Variants in CDK14 observed in about 807,000 individuals in gnomAD.
CDK14 encodes cyclin dependent kinase 14, also known as cyclin-dependent kinase 14.
CDK14 carries 34 observed loss-of-function variants against 60.7 expected under a neutral mutation model. That is an observed-to-expected ratio of 0.56 (90% CI 0.43 to 0.75). CDK14 has a LOEUF of 0.75. Among genes scored for constraint, CDK14 ranks in the 30% least tolerant of loss-of-function variants. CDK14 has a pLI of 0.00. For synonymous variants in CDK14, 197 were observed against 203.7 expected (o/e 0.97, Z 0.28); for missense variants, 482 against 564.1 (o/e 0.85, Z 1.47).
intron 11 of CDK14, among the ~76,000 whole-genome samples, chr7:91,069,932 A>T (rs1798088666): frequency 6.6e-6 from 1 of 152,110 alleles, no homozygotes; most frequent in Non-Finnish European, 1.5e-5. Context: ...GAGTAGCTAG[A>T]ACTGCAGGTA....
chr7:91,117,975 C>A, intron 13 of CDK14, 90 bp from the exon 14 acceptor site: 1 of 696,210 alleles, frequency 1.4e-6, no homozygotes, highest in Non-Finnish European at 2.4e-6. Flanking sequence ...GGCATCCAAA[C>A]TTGCATCTCA....
At chr7:90,758,304 A>C (rs1804166084) in intron 4 of CDK14, among the ~76,000 whole-genome samples, 1 of 151,688 alleles carries the variant, frequency 6.6e-6, no homozygotes, top group Non-Finnish European at 1.5e-5. Context: ...TTTTATGTTT[A>C]GATGGGGGGT....
intron 2 of CDK14, among the ~76,000 whole-genome samples, chr7:90,722,147 T>C (rs1334237454): frequency 1.4e-5 from 2 of 147,236 alleles, no homozygotes; most frequent in African/African-American, 5.0e-5. Context: ...CTTACCCCTC[T>C]TCCCCCTTTT....
chr7:90,815,632 G>A (rs1184847008), intron 5 of CDK14, among the ~76,000 whole-genome samples: 2 of 152,142 alleles, frequency 1.3e-5, no homozygotes, highest in East Asian at 3.8e-4. Flanking sequence ...GTTTATTGTG[G>A]CATTATTCAC....
intron 10 of CDK14, among the ~76,000 whole-genome samples, chr7:91,008,990 C>G (rs2115800456): frequency 6.6e-6 from 1 of 152,160 alleles, no homozygotes; most frequent in South Asian, 2.1e-4. Flanking sequence ...TTTCTTTGAA[C>G]CTCCTTGTAG....
At chr7:90,832,232 C>T (rs1427643622) in intron 5 of CDK14, among the ~76,000 whole-genome samples, 6 of 152,010 alleles carry the variant, frequency 3.9e-5, no homozygotes, top group Non-Finnish European at 8.8e-5. Context: ...GGTATAACTC[C>T]AGCACCTAGA....
At chr7:90,598,371 G>A (rs1799239611) in intron 1 of CDK14, among the ~76,000 whole-genome samples, 1 of 152,222 alleles carries the variant, frequency 6.6e-6, no homozygotes, top group African/African-American at 2.4e-5. Context: ...CTAGCTTACT[G>A]AGATTTAGTG....
intron 14 of CDK14, among the ~76,000 whole-genome samples, chr7:91,139,227 C>T (rs953101977): frequency 2.0e-5 from 3 of 151,844 alleles, no homozygotes; most frequent in Non-Finnish European, 4.4e-5. Context: ...TTTTTTAACT[C>T]CTTATTGGAT....
chr7:90,915,924 G>A (rs1389276376), intron 7 of CDK14, among the ~76,000 whole-genome samples: 2 of 152,196 alleles, frequency 1.3e-5, no homozygotes, highest in Non-Finnish European at 2.9e-5. Flanking sequence ...GCATTGCCAT[G>A]GTTAAACACT....
rs1320842029 is a variant in CDK14, at chr7:91,159,345, ATGCTGTTGCC to A, written c.*28+41142_*28+41151del. Among the ~76,000 whole-genome samples the A allele has an allele frequency of 5.3e-5, 8 of 152,366 alleles. No individual in the cohort carries two copies. The South Asian group carries it at 1.0e-3, about 20-fold the overall frequency. ...GTTAACTAAGAGACTCAGCATGGTC[ATGCTGTTGCC>A]TGCTCTTATTTTCTAAGATAACACT... On this transcript the variant is annotated intron_variant, in intron 14 of 14. Coordinates refer to ENST00000380050, the MANE Select transcript of CDK14 (RefSeq NM_001287135.2).
At chr7:90,847,137 G>A (rs935676436) in intron 5 of CDK14, among the ~76,000 whole-genome samples, 1 of 152,156 alleles carries the variant, frequency 6.6e-6, no homozygotes, top group African/African-American at 2.4e-5. Context: ...ATCTGGAGGT[G>A]TTCTTGGATG....
At chr7:90,776,031 A>G (rs1805032469) in intron 4 of CDK14, among the ~76,000 whole-genome samples, 1 of 151,992 alleles carries the variant, frequency 6.6e-6, no homozygotes, top group Non-Finnish European at 1.5e-5. Flanking sequence ...AAGGATCTAC[A>G]TTTACTTATT....
chr7:90,602,493 G>A (rs968581176), intron 1 of CDK14, among the ~76,000 whole-genome samples: 2 of 152,172 alleles, frequency 1.3e-5, no homozygotes, highest in South Asian at 2.1e-4. Context: ...GACACGCCTT[G>A]GGTTGAGGGA....
chr7:90,836,872 C>T (rs1457806148), intron 5 of CDK14, among the ~76,000 whole-genome samples: 1 of 152,182 alleles, frequency 6.6e-6, no homozygotes, highest in Non-Finnish European at 1.5e-5. Context: ...TGACCATCGT[C>T]ATATGTACAG....
At chr7:90,907,016 T>C (rs1792730459) in intron 7 of CDK14, among the ~76,000 whole-genome samples, 1 of 152,090 alleles carries the variant, frequency 6.6e-6, no homozygotes. Context: ...TAATAACAAA[T>C]GGTTTATTTC....
chr7:90,656,879 A>G (rs1800762147), intron 2 of CDK14, among the ~76,000 whole-genome samples: 1 of 152,238 alleles, frequency 6.6e-6, no homozygotes. Context: ...AAACAGGCAC[A>G]ACTAACAATA....
intron 2 of CDK14, among the ~76,000 whole-genome samples, chr7:90,712,238 T>C (rs748227759): frequency 2.0e-5 from 3 of 151,914 alleles, no homozygotes; most frequent in Non-Finnish European, 2.9e-5. Context: ...ACTATCCATT[T>C]CCAGAACTTT....
At chr7:90,662,817 G>T (rs1262971780) in intron 2 of CDK14, among the ~76,000 whole-genome samples, 3 of 152,168 alleles carry the variant, frequency 2.0e-5, no homozygotes, top group East Asian at 1.9e-4. Context: ...TTCTCAAGAA[G>T]AACTCAAGTA....
At chr7:91,004,085 C>A (rs1051493437) in intron 10 of CDK14, among the ~76,000 whole-genome samples, 4 of 151,938 alleles carry the variant, frequency 2.6e-5, no homozygotes, top group Admixed American at 2.6e-4. Context: ...ATGATCTATG[C>A]GTTCATACTA....
Sources: allele counts gnomAD v4.1 joint callset (sites outside exome capture counted in the v4.1 genomes callset), GRCh38; gene constraint gnomAD v4.1.1; transcripts MANE v1.5; gene names NCBI Gene and HGNC (gene_info 2026-07-23, HGNC 2026-07-21).